The following UBE2E3 variants were observed in gnomAD, a reference collection of about 807,000 sequenced individuals.
UBE2E3 encodes the protein ubiquitin-conjugating enzyme E2 E3.
UBE2E3 carries 5 observed loss-of-function variants against 23.6 expected under a neutral mutation model. The ratio of observed to expected loss-of-function variants is 0.21; its 90% CI spans 0.11 to 0.44. The LOEUF is 0.44. Among genes scored for constraint, UBE2E3 ranks in the 20% least tolerant of loss-of-function variants. The pLI is 0.99. For missense variants in UBE2E3, 81 were observed against 249.8 expected, an observed-to-expected ratio of 0.32 and a Z score of 4.55; for synonymous variants, 78 against 87.5, an observed-to-expected ratio of 0.89 and a Z score of 0.60.
chr2:181,028,700 C>T (rs970153899), intron 3 of UBE2E3, among the ~76,000 whole-genome samples: 6 of 152,082 alleles, frequency 3.9e-5, no homozygotes, highest in African/African-American at 1.4e-4. Flanking sequence ...CTGTGAAATG[C>T]CTTTTTTTTG....
At chr2:180,984,193 G>T in intron 3 of UBE2E3, 100 bp downstream of exon 3, 1 of 1,031,470 alleles carries the variant, frequency 9.7e-7, no homozygotes, top group Non-Finnish European at 1.4e-6. Flanking sequence ...GACAACATTT[G>T]CTTCTTTACA....
At chr2:181,033,666 C>CA (rs1269952695) in intron 3 of UBE2E3, among the ~76,000 whole-genome samples, 1 of 152,050 alleles carries the variant, frequency 6.6e-6, no homozygotes, top group East Asian at 1.9e-4. Flanking sequence ...CAACAAAAGC[C>CA]AAAATAGACA....
chr2:181,054,549 G>A (rs374569245), intron 3 of UBE2E3, among the ~76,000 whole-genome samples: 1 of 151,708 alleles, frequency 6.6e-6, no homozygotes, highest in Non-Finnish European at 1.5e-5. Context: ...TGAGGTATCT[G>A]TTCAGGTATT....
At chr2:181,024,349 A>G (rs932126343) in intron 3 of UBE2E3, among the ~76,000 whole-genome samples, 3 of 152,104 alleles carry the variant, frequency 2.0e-5, no homozygotes, top group Admixed American at 6.6e-5. Flanking sequence ...CTACCATCCT[A>G]TTATCCACTC....
Position 181,033,125 on chromosome 2 carries a change from A to G in UBE2E3, c.246-24568A>G, listed in dbSNP as rs565916430. On this transcript the variant is annotated intron_variant, in intron 3 of 5. Coordinates refer to ENST00000410062, the MANE Select transcript of UBE2E3 (RefSeq NM_006357.4). ...CTGCCCAAGGTAATTTATAGATTCA[A>G]TGCCATCCCCATCAAGGTACCAACG... is the stretch of plus-strand genomic sequence containing the variant. Among the ~76,000 whole-genome samples, 14 of 152,354 alleles carry G rather than the reference A, an allele frequency of 9.2e-5. No homozygotes were observed. In the South Asian group the frequency reaches 1.2e-3, roughly 14 times the overall value.
chr2:180,985,388 C>G (rs1049566571), intron 3 of UBE2E3, among the ~76,000 whole-genome samples: 2 of 151,894 alleles, frequency 1.3e-5, no homozygotes, highest in African/African-American at 2.4e-5. Flanking sequence ...ATTTTAAAAA[C>G]TTAGTACAAC....
chr2:181,051,462 G>A (rs147172868), intron 3 of UBE2E3, among the ~76,000 whole-genome samples: 16 of 151,752 alleles, frequency 1.1e-4, no homozygotes, highest in African/African-American at 2.7e-4. Context: ...ACCTACAAAC[G>A]TTTGTAATGA....
At position 180,991,801 on chromosome 2, in the gene UBE2E3, C is replaced by T. The variant is rs566970846; in HGVS notation, c.245+7708C>T. 2.7e-5 allele frequency among the ~76,000 whole-genome samples: 4 copies of T among 148,974 alleles called. No individual in the cohort carries two copies. The East Asian group carries it at 5.8e-4, about 22-fold the overall frequency. ...GCATATACAGTATGGATAAACTGGA[C>T]AAAAGTATGATTCAAGCCCAAGTGG... On this transcript the variant is annotated intron_variant, in intron 3 of 5. Coordinates refer to ENST00000410062, the MANE Select transcript of UBE2E3 (RefSeq NM_006357.4).
intron 3 of UBE2E3, among the ~76,000 whole-genome samples, chr2:181,040,958 A>G (rs1296095842): frequency 6.6e-6 from 1 of 152,088 alleles, no homozygotes; most frequent in Non-Finnish European, 1.5e-5. Context: ...TCTCCAAAGA[A>G]ATGCTTCAGG....
chr2:180,999,184 A>G (rs1207617462), intron 3 of UBE2E3, among the ~76,000 whole-genome samples: 4 of 152,194 alleles, frequency 2.6e-5, no homozygotes, highest in Non-Finnish European at 4.4e-5. Flanking sequence ...TGATAAGAGA[A>G]TAATACCCCT....
At chr2:181,000,470 A>G (rs2105590698) in intron 3 of UBE2E3, among the ~76,000 whole-genome samples, 1 of 152,314 alleles carries the variant, frequency 6.6e-6, no homozygotes, top group Non-Finnish European at 1.5e-5. Flanking sequence ...TGTATTCAGC[A>G]TAGCACAGCA....
chr2:181,021,491 T>C (rs1313478951), intron 3 of UBE2E3, among the ~76,000 whole-genome samples: 3 of 130,852 alleles, frequency 2.3e-5, no homozygotes, highest in East Asian at 5.0e-4. Context: ...CTCTCTCTCT[T>C]CCTTTCCTTT....
chr2:181,039,123 CTTTTTT>C (rs11289425), intron 3 of UBE2E3, among the ~76,000 whole-genome samples: 1 of 66,258 alleles, frequency 1.5e-5, no homozygotes, highest in Admixed American at 1.9e-4. Flanking sequence ...AGAATGTGAC[CTTTTTT>C]TTTTTTTTTT....
intron 3 of UBE2E3, among the ~76,000 whole-genome samples, chr2:181,045,133 TC>T (rs1686632283): frequency 6.6e-6 from 1 of 152,186 alleles, no homozygotes; most frequent in Admixed American, 6.6e-5. Flanking sequence ...ACTGTCATAA[TC>T]TACTTTTTAA....
chr2:181,039,254 TAGC>T (rs1686399551), intron 3 of UBE2E3, among the ~76,000 whole-genome samples: 2 of 150,350 alleles, frequency 1.3e-5, no homozygotes, highest in Admixed American at 6.7e-5. Context: ...TGTCAAAACT[TAGC>T]AGTGTTTATT....
At chr2:181,040,802 C>A (rs1263204990) in intron 3 of UBE2E3, among the ~76,000 whole-genome samples, 1 of 152,152 alleles carries the variant, frequency 6.6e-6, no homozygotes, top group East Asian at 1.9e-4. Context: ...TTTATAAAAT[C>A]ATTCTCCTTG....
intron 3 of UBE2E3, among the ~76,000 whole-genome samples, chr2:181,017,919 C>T (rs151007216): frequency 9.9e-5 from 15 of 151,482 alleles, no homozygotes; most frequent in African/African-American, 3.4e-4. Context: ...AGCTTCATGT[C>T]AGCCATCATC....
intron 3 of UBE2E3, among the ~76,000 whole-genome samples, chr2:181,010,606 A>G (rs1685295458): frequency 6.6e-6 from 1 of 152,182 alleles, no homozygotes; most frequent in Non-Finnish European, 1.5e-5. Context: ...TAAAAGGAAA[A>G]TAGTAGATAG....
chr2:180,996,022 CAGA>C (rs1233246418), intron 3 of UBE2E3, among the ~76,000 whole-genome samples: 3 of 151,980 alleles, frequency 2.0e-5, no homozygotes, highest in Non-Finnish European at 4.4e-5. Context: ...GTATCCTTTT[CAGA>C]ATGATTGTCA....
Sources: gnomAD v4.1 joint callset for allele counts (sites outside exome capture counted in the v4.1 genomes callset) on GRCh38, gnomAD v4.1.1 for gene constraint, MANE v1.5 for transcripts, NCBI Gene and HGNC (gene_info 2026-07-23, HGNC 2026-07-21) for gene names.